MBTD1: variants seen among roughly 807,000 people sequenced by gnomAD.
MBTD1 encodes mbt domain containing 1, also known as MBT domain-containing protein 1.
Under a neutral mutation model 87.8 loss-of-function variants are expected in MBTD1, and 24 were observed. The ratio of observed to expected loss-of-function variants is 0.27; its 90% CI spans 0.20 to 0.38. The LOEUF is 0.38. Among genes scored for constraint, MBTD1 ranks in the 10% least tolerant of loss-of-function variants. MBTD1 has a pLI of 1.00. For synonymous variants in MBTD1, 237 were observed against 248.6 expected (o/e 0.95, Z 0.44); for missense variants, 436 against 760.2 (o/e 0.57, Z 5.02).
At chr17:51,229,107 A>C (rs946930170) in intron 2 of MBTD1, among the ~76,000 whole-genome samples, 9 of 152,124 alleles carry the variant, frequency 5.9e-5, no homozygotes, top group Admixed American at 2.6e-4. Context: ...AGGCTGGAGG[A>C]CTGCCTGAGC....
chr17:51,221,007 T>C (rs1374949096), intron 3 of MBTD1, among the ~76,000 whole-genome samples: 3 of 152,206 alleles, frequency 2.0e-5, no homozygotes, highest in Non-Finnish European at 4.4e-5. Context: ...AAGTTTGAGG[T>C]AGAGGCCAGG....
chr17:51,178,542 C>T lies in MBTD1; in HGVS notation c.*2034G>A, dbSNP rs2050175446. On this transcript the variant is annotated 3_prime_UTR_variant, in exon 17 of 17. Transcript: ENST00000586178. The stretch of plus-strand genomic sequence containing the variant: ...GGTACTGGCAGAGTACACTACACAA[C>T]AGGCTTCTTGTGCCTGTGCTGTGGA... 6.6e-6 allele frequency: 1 copy of T among 152,210 alleles called. No homozygotes were observed. Among genetic ancestry groups the T allele is most frequent in the African/African-American group, 2.4e-5 (1 of 41,442 alleles). 9.4% of individuals were successfully genotyped at this position (152,210 alleles called of 1,614,324 possible).
intron 6 of MBTD1, among the ~76,000 whole-genome samples, chr17:51,215,195 G>C (rs545051489): frequency 6.0e-4 from 91 of 152,246 alleles, no homozygotes; most frequent in African/African-American, 2.1e-3. Context: ...AGAAAGCAGA[G>C]GCTCCACATT....
chr17:51,180,748 A>G, intron 16 of MBTD1, 54 bp from the exon 17 acceptor site: 1 of 891,190 alleles, frequency 1.1e-6, no homozygotes, highest in South Asian at 1.5e-5. Context: ...GAGTACTCGG[A>G]TTGCCTGTGA....
rs2050225407 is a variant in MBTD1 at position 51,179,516 on chromosome 17, A to ATATATATATATTTT, written c.*1059_*1060insAAAATATATATATA. ...TATATATATATATATATATATATAT[A>ATATATATATATTTT]TATATATATATATATATATATGGAA... On this transcript the variant is annotated 3_prime_UTR_variant, in exon 17 of 17. Coordinates refer to ENST00000586178, the MANE Select transcript of MBTD1 (RefSeq NM_017643.3). 1.1e-5 allele frequency: 1 copy of ATATATATATATTTT among 87,992 alleles called. No homozygotes were observed. Among genetic ancestry groups the ATATATATATATTTT allele is most frequent in the African/African-American group, 4.9e-5 (1 of 20,368 alleles). 5.5% of individuals were successfully genotyped at this position (87,992 alleles called of 1,614,324 possible).
chr17:51,239,710 A>G (rs1406053406), intron 2 of MBTD1, among the ~76,000 whole-genome samples: 1 of 152,124 alleles, frequency 6.6e-6, no homozygotes, highest in African/African-American at 2.4e-5. Flanking sequence ...CCCAGCGGTG[A>G]CAACCAAAAA....
intron 2 of MBTD1, among the ~76,000 whole-genome samples, chr17:51,249,347 T>A (rs1940861055): frequency 6.6e-6 from 1 of 152,188 alleles, no homozygotes; most frequent in African/African-American, 2.4e-5. Context: ...ACCCACTACA[T>A]CTTGTGCTAA....
At chr17:51,182,709 C>T (rs755975161) in intron 16 of MBTD1, among the ~76,000 whole-genome samples, 1 of 152,140 alleles carries the variant, frequency 6.6e-6, no homozygotes, top group East Asian at 1.9e-4. Context: ...AAAAGTTCTT[C>T]ATTTTTCTCT....
intron 2 of MBTD1, among the ~76,000 whole-genome samples, chr17:51,247,486 G>A (rs1457602535): frequency 1.5e-5 from 2 of 134,280 alleles, no homozygotes; most frequent in Non-Finnish European, 3.0e-5. Context: ...TTGCTCTATC[G>A]TTCAGCCTGG....
intron 13 of MBTD1, among the ~76,000 whole-genome samples, chr17:51,193,780 G>A (rs1159388027): frequency 1.3e-5 from 2 of 152,108 alleles, no homozygotes; most frequent in Non-Finnish European, 2.9e-5. Context: ...CACTGTGACA[G>A]GCTAATTTTT....
chr17:51,260,282 G>A (rs1161804277), upstream of MBTD1: 15 of 499,708 alleles, frequency 3.0e-5, no homozygotes, highest in South Asian at 3.3e-4. Context: ...GTATAGTCGG[G>A]GTTTCTTGCG....
At chr17:51,198,433 T>G (rs922881314) in intron 12 of MBTD1, among the ~76,000 whole-genome samples, 1 of 152,226 alleles carries the variant, frequency 6.6e-6, no homozygotes, top group Non-Finnish European at 1.5e-5. Flanking sequence ...GTTATTTCTA[T>G]ATGGTAAACA....
intron 2 of MBTD1, among the ~76,000 whole-genome samples, chr17:51,255,311 A>C (rs1272510578): frequency 2.6e-5 from 4 of 152,154 alleles, no homozygotes; most frequent in Non-Finnish European, 4.4e-5. Context: ...AAGTAAATTC[A>C]ACAGCTTATT....
intron 2 of MBTD1, among the ~76,000 whole-genome samples, chr17:51,243,655 T>C (rs2054276956): frequency 6.6e-6 from 1 of 152,020 alleles, no homozygotes; most frequent in Admixed American, 6.6e-5. Flanking sequence ...AATTAAAAAG[T>C]CGTATCTATC....
intron 2 of MBTD1, among the ~76,000 whole-genome samples, chr17:51,253,464 G>A (rs959061235): frequency 6.6e-6 from 1 of 151,892 alleles, no homozygotes; most frequent in African/African-American, 2.4e-5. Context: ...AATACTGAGT[G>A]GAAAAAATAA....
At chr17:51,208,961 A>T (rs1237751590) in intron 6 of MBTD1, among the ~76,000 whole-genome samples, 1 of 152,188 alleles carries the variant, frequency 6.6e-6, no homozygotes, top group African/African-American at 2.4e-5. Context: ...AGAAAGTGAC[A>T]TTTGTTCTTG....
chr17:51,213,566 G>A (rs1275426894), intron 6 of MBTD1, among the ~76,000 whole-genome samples: 1 of 151,594 alleles, frequency 6.6e-6, no homozygotes, highest in Non-Finnish European at 1.5e-5. Context: ...AAAAAGACTT[G>A]CATTATGAAA....
chr17:51,232,119 G>A (rs1232193748), intron 2 of MBTD1, among the ~76,000 whole-genome samples: 1 of 151,934 alleles, frequency 6.6e-6, no homozygotes, highest in Non-Finnish European at 1.5e-5. Flanking sequence ...AGGCTTCTCT[G>A]GGATTTTGTA....
At chr17:51,188,184 T>C (rs574937336) in intron 16 of MBTD1, among the ~76,000 whole-genome samples, 5 of 152,340 alleles carry the variant, frequency 3.3e-5, no homozygotes, top group African/African-American at 1.2e-4. Context: ...CAGTAGTCCC[T>C]GAAAATGGTG....
Sources: gnomAD v4.1 joint callset for allele counts (sites outside exome capture counted in the v4.1 genomes callset) on GRCh38, gnomAD v4.1.1 for gene constraint, MANE v1.5 for transcripts, NCBI Gene and HGNC (gene_info 2026-07-23, HGNC 2026-07-21) for gene names.